Variants in ITGA6 observed in about 807,000 individuals in gnomAD.
ITGA6 encodes integrin subunit alpha 6.
In ITGA6, 63 loss-of-function variants were observed where a neutral mutation model predicts 133.6. The observed-to-expected ratio is 0.47, with a 90% CI of 0.38 to 0.58. ITGA6 has a LOEUF of 0.58. ITGA6 is among the 20% of genes least tolerant of loss of function. The probability of loss-of-function intolerance (pLI) is 0.00; values close to 1 mark genes in which losing one functional copy is unlikely to be tolerated. For missense variants in ITGA6, 1,068 were observed against 1,309.4 expected (o/e 0.82, Z 2.85); for synonymous variants, 434 against 482.0 (o/e 0.90, Z 1.30).
chr2:172,494,214 C>T (rs757007211), intron 23 of ITGA6, among the ~76,000 whole-genome samples: 39 of 152,158 alleles, frequency 2.6e-4, no homozygotes, highest in Non-Finnish European at 4.6e-4. Context: ...TATAACCCCA[C>T]GAATTTCAAG....
chr2:172,489,579 A>C lies in ITGA6; in HGVS notation c.2600A>C (p.Tyr867Ser), dbSNP rs762231763. 1.2e-6 allele frequency: 2 copies of C among 1,614,088 alleles called. No homozygotes were observed. The highest frequency in any genetic ancestry group is 1.7e-5 in the Admixed American group (1 of 60,024). ...ATTAGCAATGGGAAATGGTTGCTTTATTTGGTGAAAGTAGAATCCAAAGGA... is the reference window on the plus strand; with the variant it reads ...ATTAGCAATGGGAAATGGTTGCTTTCTTTGGTGAAAGTAGAATCCAAAGGA... ...KEISNGKWLL[Y>S]LVKVESKGLE... Residue 867 changes from tyrosine (Y) to serine (S), a missense_variant, in exon 20 of 26, where the codon TAT becomes TCT. Coordinates refer to ENST00000684293, the MANE Select transcript of ITGA6 (RefSeq NM_000210.4).
chr2:172,489,493 C>T lies in ITGA6; in HGVS notation c.2514C>T (p.Asn838=), dbSNP rs745419818. ...GTATTATTTTCTAACAGGTAATAAACTTAGGTAAACCTCTTACAAACCTCG... is the reference window on the plus strand; with the variant it reads ...GTATTATTTTCTAACAGGTAATAAATTTAGGTAAACCTCTTACAAACCTCG... ...SLIEYEFRVI[N]LGKPLTNLGT... The change falls in exon 20 of 26, where the codon AAC becomes AAT. Residue 838 remains asparagine, a synonymous_variant. Coordinates refer to ENST00000684293, the MANE Select transcript of ITGA6 (RefSeq NM_000210.4). 25 of 1,611,700 alleles carry T rather than the reference C, an allele frequency of 1.6e-5. No homozygotes were observed. Among genetic ancestry groups the T allele is most frequent in the Non-Finnish European group, 2.0e-5 (24 of 1,177,964 alleles).
intron 1 of ITGA6, among the ~76,000 whole-genome samples, chr2:172,447,265 G>C (rs2082070225): frequency 6.6e-6 from 1 of 151,988 alleles, no homozygotes; most frequent in Non-Finnish European, 1.5e-5. Flanking sequence ...CTGTCGTCCA[G>C]ACTGGAGTGC....
At position 172,439,443 on chromosome 2, in the gene ITGA6, A is replaced by G. The variant is rs1287584606; in HGVS notation, c.182+11473A>G. ...AAATCTGAGTTCAAAAGGAAATAGA[A>G]TATCTTTGGAATTTTGCAAAAGTGT... On this transcript the variant is annotated intron_variant, in intron 1 of 25. Coordinates refer to ENST00000684293, the MANE Select transcript of ITGA6 (RefSeq NM_000210.4). Among the ~76,000 whole-genome samples, 3 of 151,860 alleles carry G rather than the reference A, an allele frequency of 2.0e-5. No individual in the cohort carries two copies. The East Asian group carries it at 5.8e-4, about 29-fold the overall frequency.
intron 1 of ITGA6, among the ~76,000 whole-genome samples, chr2:172,457,231 G>A (rs532299744): frequency 6.9e-6 from 1 of 145,510 alleles, no homozygotes; most frequent in Admixed American, 7.1e-5. Flanking sequence ...GGAGGTGGAG[G>A]TTGAAGTGAG....
Position 172,485,261 on chromosome 2 carries a change from T to C in ITGA6, c.1851T>C (p.Ile617=). The C allele has an allele frequency of 6.2e-7, 1 of 1,614,020 alleles. No homozygotes were observed. The highest frequency in any genetic ancestry group is 1.1e-5 in the South Asian group (1 of 91,078). ...LNSDEPKTAH[I]DVHFLKEGCG... is the part of the protein sequence containing the mutation. Reference sequence around the variant, plus strand: ...CAGATGAACCCAAGACAGCTCATATTGATGTAAGTCTCTCTGACTTTCATT... The same window carrying C: ...CAGATGAACCCAAGACAGCTCATATCGATGTAAGTCTCTCTGACTTTCATT... The change falls in exon 13 of 26, where the codon ATT becomes ATC. Residue 617 remains isoleucine, a synonymous_variant. Coordinates refer to ENST00000684293, the MANE Select transcript of ITGA6 (RefSeq NM_000210.4).
chr2:172,452,854 G>A (rs1395297541), intron 1 of ITGA6, among the ~76,000 whole-genome samples: 1 of 152,196 alleles, frequency 6.6e-6, no homozygotes, highest in Non-Finnish European at 1.5e-5. Context: ...CTCAAATGTG[G>A]TGTGGGTATT....
intron 25 of ITGA6, among the ~76,000 whole-genome samples, chr2:172,502,484 A>G (rs1687389689): frequency 6.6e-6 from 1 of 152,204 alleles, no homozygotes. Context: ...CTAGCTAAGC[A>G]TGCAACTTCC....
At chr2:172,481,344 T>G (rs542302700) in intron 11 of ITGA6, among the ~76,000 whole-genome samples, 10 of 152,292 alleles carry the variant, frequency 6.6e-5, no homozygotes, top group African/African-American at 2.4e-4. Flanking sequence ...GGACTAGGGT[T>G]TGCAATGGTG....
chr2:172,474,361 C>T (rs1249526826), intron 6 of ITGA6, 96 bp downstream of exon 6: 5 of 1,090,242 alleles, frequency 4.6e-6, no homozygotes, highest in Non-Finnish European at 7.0e-6. Context: ...GGTTCATTGA[C>T]GTAAAGAATA....
At chr2:172,445,796 C>T (rs978016682) in intron 1 of ITGA6, among the ~76,000 whole-genome samples, 1 of 152,180 alleles carries the variant, frequency 6.6e-6, no homozygotes, top group Non-Finnish European at 1.5e-5. Flanking sequence ...ATTGCTCCAC[C>T]ACTGGAGCCT....
At chr2:172,462,558 G>A (rs1685474254) in intron 1 of ITGA6, among the ~76,000 whole-genome samples, 1 of 152,206 alleles carries the variant, frequency 6.6e-6, no homozygotes, top group Non-Finnish European at 1.5e-5. Flanking sequence ...CAAGAGCTTG[G>A]TGTGGGCATT....
At position 172,462,519 on chromosome 2, in the gene ITGA6, C is replaced by T. The variant is rs1218071903; in HGVS notation, c.183-3020C>T. ...GGTCTGCTGTCATCTGCAGTAGCCG[C>T]CGCATGTAAGACACGAGGACCTCTT... On this transcript the variant is annotated intron_variant, in intron 1 of 25. Transcript: ENST00000684293. Among the ~76,000 whole-genome samples, 6 of 151,404 alleles carry T rather than the reference C, an allele frequency of 4.0e-5. 1 individual carries two copies. In the East Asian group the frequency reaches 1.2e-3, roughly 29 times the overall value.
chr2:172,467,486 C>T lies in ITGA6; in HGVS notation c.313C>T (p.Pro105Ser), dbSNP rs374453759. ...TRIEFDNDAD[P>S]TSESKEDQWM... is the part of the protein sequence containing the mutation. ...AACTATGCTCCTTTCTACAGCTGAC[C>T]CCACGTCAGAAAGCAAGGAAGATCA... Residue 105 changes from proline to serine, a missense_variant, in exon 3 of 26, where the codon CCC (proline) becomes TCC (serine). Physicochemically the swap from Pro to Ser is moderately conservative, Grantham distance 74 (BLOSUM62 -1). Coordinates refer to ENST00000684293, the MANE Select transcript of ITGA6 (RefSeq NM_000210.4). 18 of 1,612,950 alleles carry T rather than the reference C, an allele frequency of 1.1e-5. No individual in the cohort carries two copies. In the African/African-American group the frequency reaches 2.4e-4, roughly 22 times the overall value.
chr2:172,448,681 G>T (rs1684866520), intron 1 of ITGA6, among the ~76,000 whole-genome samples: 1 of 152,206 alleles, frequency 6.6e-6, no homozygotes, highest in Non-Finnish European at 1.5e-5. Flanking sequence ...AGTCAAAAGA[G>T]AGCCTCAGCC....
At chr2:172,480,258 A>G (rs532763878) in intron 11 of ITGA6, among the ~76,000 whole-genome samples, 2 of 152,328 alleles carry the variant, frequency 1.3e-5, no homozygotes, top group South Asian at 4.1e-4. Context: ...TCGCCATTTG[A>G]GTTTTCCAGA....
intron 1 of ITGA6, among the ~76,000 whole-genome samples, chr2:172,446,819 T>G (rs1373809136): frequency 2.0e-5 from 3 of 152,202 alleles, no homozygotes; most frequent in Non-Finnish European, 2.9e-5. Context: ...CAGTAGACAG[T>G]GTTTTATTGT....
At chr2:172,503,923 CTCT>C (rs759951533) in intron 25 of ITGA6, 165 bp from the exon 26 acceptor site, 12 of 461,436 alleles carry the variant, frequency 2.6e-5, no homozygotes, top group Non-Finnish European at 4.2e-5. Flanking sequence ...TCCCCACTGG[CTCT>C]TCTTTCATTT....
At chr2:172,503,224 AAG>A (rs571225897) in intron 25 of ITGA6, among the ~76,000 whole-genome samples, 1 of 152,148 alleles carries the variant, frequency 6.6e-6, no homozygotes, top group Non-Finnish European at 1.5e-5. Flanking sequence ...TTTTTAAAAA[AAG>A]TAAATATATT....
Sources: gnomAD v4.1 joint callset for allele counts (sites outside exome capture counted in the v4.1 genomes callset) on GRCh38, gnomAD v4.1.1 for gene constraint, MANE v1.5 for transcripts, NCBI Gene and HGNC (gene_info 2026-07-23, HGNC 2026-07-21) for gene names.